FHIP1A: variants seen among roughly 807,000 people sequenced by gnomAD.
The protein encoded by FHIP1A is FHF complex subunit HOOK interacting protein 1A, also known as FHF complex subunit HOOK-interacting protein 1A.
In FHIP1A, 61 loss-of-function variants were observed where a neutral mutation model predicts 88.6. That is an observed-to-expected ratio of 0.69 (90% CI 0.56 to 0.85). The LOEUF (loss-of-function observed/expected upper bound fraction) is 0.85, where lower values mean the gene tolerates loss of function less well. Ranked by LOEUF, FHIP1A falls within the 40% of genes least tolerant of loss-of-function variation. The pLI is 0.00. For missense variants in FHIP1A, 1,154 were observed against 1,273.5 expected (o/e 0.91, Z 1.43); for synonymous variants, 478 against 496.0 (o/e 0.96, Z 0.48).
intron 3 of FHIP1A, among the ~76,000 whole-genome samples, chr4:151,529,772 A>G (rs559216931): frequency 6.6e-6 from 1 of 152,336 alleles, no homozygotes; most frequent in South Asian, 2.1e-4. Flanking sequence ...AACTGAGGAA[A>G]TTGGAGCCAA....
intron 3 of FHIP1A, among the ~76,000 whole-genome samples, chr4:151,494,988 A>T (rs1184463665): frequency 6.6e-6 from 1 of 151,974 alleles, no homozygotes; most frequent in Non-Finnish European, 1.5e-5. Flanking sequence ...CTTGGATGTT[A>T]TTGGTGTGTG....
At chr4:151,473,663 T>C (rs1413655550) in intron 2 of FHIP1A, among the ~76,000 whole-genome samples, 1 of 152,214 alleles carries the variant, frequency 6.6e-6, no homozygotes, top group Non-Finnish European at 1.5e-5. Context: ...TACTTTACAG[T>C]TTTGCAGTTT....
chr4:151,595,409 G>A (rs115131374), intron 7 of FHIP1A, among the ~76,000 whole-genome samples: 2,498 of 152,220 alleles, frequency 0.016, 32 homozygotes, highest in Non-Finnish European at 0.026. Context: ...TATGATTTCC[G>A]TTCTTATGCA....
chr4:151,599,902 C>T (rs1194511972), intron 7 of FHIP1A, among the ~76,000 whole-genome samples: 1 of 150,502 alleles, frequency 6.6e-6, no homozygotes, highest in African/African-American at 2.5e-5. Context: ...TTCAAATGGA[C>T]CCCTAATGCA....
rs1733864743 is a variant in FHIP1A at position 151,577,930 on chromosome 4, C to G, written c.586C>G (p.Leu196Val). The change falls in exon 5 of 14, where the codon CTC (leucine) becomes GTC (valine). Residue 196 changes from leucine to valine, a missense_variant. Leu to Val is a conservative substitution (Grantham distance 32, BLOSUM62 1). Transcript: ENST00000435205. ...TSEDQGAANF[L>V]IFSLLIPFIH... ...TGAAGACCAAGGCGCTGCCAACTTC[C>G]TCATCTTCTCCCTTCTGATTCCCTT... 2 of 1,551,506 alleles carry G rather than the reference C, an allele frequency of 1.3e-6. No homozygotes were observed. Among genetic ancestry groups the G allele is most frequent in the Admixed American group, 2.0e-5 (1 of 50,972 alleles).
At chr4:151,576,286 A>G (rs1407839048) in intron 4 of FHIP1A, among the ~76,000 whole-genome samples, 4 of 152,170 alleles carry the variant, frequency 2.6e-5, no homozygotes, top group African/African-American at 7.2e-5. Context: ...GGTAAAGTAT[A>G]TATAACAAAA....
At chr4:151,536,480 A>C (rs1732074393) in intron 3 of FHIP1A, among the ~76,000 whole-genome samples, 1 of 152,078 alleles carries the variant, frequency 6.6e-6, no homozygotes, top group Non-Finnish European at 1.5e-5. Flanking sequence ...CCCATACATC[A>C]TCCCTAGCAA....
At chr4:151,469,194 G>A (rs1278337818) in intron 2 of FHIP1A, among the ~76,000 whole-genome samples, 1 of 152,180 alleles carries the variant, frequency 6.6e-6, no homozygotes, top group Non-Finnish European at 1.5e-5. Flanking sequence ...TGAACTGGAA[G>A]ACCTTTTGGT....
intron 5 of FHIP1A, among the ~76,000 whole-genome samples, chr4:151,579,004 A>G (rs1560779976): frequency 6.6e-6 from 1 of 152,206 alleles, no homozygotes; most frequent in Non-Finnish European, 1.5e-5. Context: ...TGAAAAGGCT[A>G]CCTACTGTAT....
chr4:151,437,257 A>T (rs1427926354), intron 1 of FHIP1A, among the ~76,000 whole-genome samples: 1 of 152,110 alleles, frequency 6.6e-6, no homozygotes, highest in Non-Finnish European at 1.5e-5. Context: ...ATATGTATAT[A>T]GTATGCCAGT....
intron 7 of FHIP1A, among the ~76,000 whole-genome samples, chr4:151,603,200 C>G (rs1734938767): frequency 6.6e-6 from 1 of 152,098 alleles, no homozygotes; most frequent in Middle Eastern, 3.4e-3. Context: ...GTAGTCCCAG[C>G]TACTCAGGAG....
chr4:151,482,160 T>G (rs977962951), intron 2 of FHIP1A, among the ~76,000 whole-genome samples: 2 of 152,168 alleles, frequency 1.3e-5, no homozygotes, highest in African/African-American at 4.8e-5. Context: ...TTTGCTATTT[T>G]ATATTATGCT....
chr4:151,464,877 A>T (rs1729256466), intron 2 of FHIP1A, among the ~76,000 whole-genome samples: 1 of 151,258 alleles, frequency 6.6e-6, no homozygotes, highest in African/African-American at 2.4e-5. Flanking sequence ...TGGTCCCCTG[A>T]CTAGCAGCAT....
At chr4:151,609,162 T>G (rs1735198503) in intron 7 of FHIP1A, among the ~76,000 whole-genome samples, 1 of 152,216 alleles carries the variant, frequency 6.6e-6, no homozygotes, top group Non-Finnish European at 1.5e-5. Flanking sequence ...GGCCACTCAG[T>G]GATGTCATGT....
At position 151,623,441 on chromosome 4, in the gene FHIP1A, T is replaced by G. The variant is rs146039951; in HGVS notation, c.979-6261T>G. Among the ~76,000 whole-genome samples, 1,149 of 150,524 alleles carry G rather than the reference T, an allele frequency of 7.6e-3. 11 individuals carry two copies. Among genetic ancestry groups the G allele is most frequent in the South Asian group, 0.038 (178 of 4,732 alleles). ...TTTTCTATAAGGGAGGTTGTACTTT[T>G]CCCCCTCCACCCCCGAAAATATGTA... On this transcript the variant is annotated intron_variant, in intron 7 of 13. Coordinates refer to ENST00000435205, the MANE Select transcript of FHIP1A (RefSeq NM_001109977.3).
intron 7 of FHIP1A, among the ~76,000 whole-genome samples, chr4:151,592,402 G>C (rs529641808): frequency 6.6e-6 from 1 of 152,270 alleles, no homozygotes; most frequent in Admixed American, 6.5e-5. Flanking sequence ...CCAAAGTGCT[G>C]AGATTACAGG....
chr4:151,496,013 A>G (rs1237505802), intron 3 of FHIP1A, among the ~76,000 whole-genome samples: 1 of 152,108 alleles, frequency 6.6e-6, no homozygotes, highest in Non-Finnish European at 1.5e-5. Context: ...TTTGATGATC[A>G]GCTGCTGCTT....
At chr4:151,464,162 G>A (rs1052252396) in intron 2 of FHIP1A, among the ~76,000 whole-genome samples, 2 of 152,088 alleles carry the variant, frequency 1.3e-5, no homozygotes, top group African/African-American at 4.8e-5. Context: ...AGTAGCTGGG[G>A]CTATAAGTAC....
At chr4:151,528,481 G>A (rs758860096) in intron 3 of FHIP1A, among the ~76,000 whole-genome samples, 1 of 152,156 alleles carries the variant, frequency 6.6e-6, no homozygotes, top group Non-Finnish European at 1.5e-5. Flanking sequence ...TGGAAGCTAG[G>A]TAATAAAATA....
Sources: allele counts gnomAD v4.1 joint callset (sites outside exome capture counted in the v4.1 genomes callset), GRCh38; gene constraint gnomAD v4.1.1; transcripts MANE v1.5; gene names NCBI Gene and HGNC (gene_info 2026-07-23, HGNC 2026-07-21).